PRRC2C: variants seen among roughly 807,000 people sequenced by gnomAD.
PRRC2C encodes proline rich coiled-coil 2C.
In PRRC2C, 72 loss-of-function variants were observed where a neutral mutation model predicts 317.2. The ratio of observed to expected loss-of-function variants is 0.23; its 90% CI spans 0.19 to 0.28. The LOEUF is 0.28. Among genes scored for constraint, PRRC2C ranks in the 10% least tolerant of loss-of-function variants. The probability of loss-of-function intolerance (pLI) is 1.00; values close to 1 mark genes in which losing one functional copy is unlikely to be tolerated. For synonymous variants in PRRC2C, 1,296 were observed against 1,205.9 expected, an observed-to-expected ratio of 1.07 and a Z score of -1.55; for missense variants, 3,074 against 3,459.7, an observed-to-expected ratio of 0.89 and a Z score of 2.80.
At chr1:171,513,737 A>T (rs910121917) in intron 3 of PRRC2C, among the ~76,000 whole-genome samples, 3 of 151,744 alleles carry the variant, frequency 2.0e-5, no homozygotes, top group East Asian at 1.9e-4. Flanking sequence ...GTGGTAATTT[A>T]AAAAAAATAA....
chr1:171,492,254 ATAACTAT>A (rs1667288608), intron 1 of PRRC2C, among the ~76,000 whole-genome samples: 1 of 152,234 alleles, frequency 6.6e-6, no homozygotes, highest in Admixed American at 6.5e-5. Flanking sequence ...TCTTGAAGAA[ATAACTAT>A]TAAAGAGGGA....
At chr1:171,591,305 C>T (rs1651358223) in intron 34 of PRRC2C, 1 of 872,394 alleles carries the variant, frequency 1.1e-6, no homozygotes, top group Non-Finnish European at 1.5e-6. Context: ...GATTTGCAAG[C>T]AGGTTCCCTA....
At chr1:171,500,311 A>C (rs1183547551) in intron 1 of PRRC2C, among the ~76,000 whole-genome samples, 1 of 152,228 alleles carries the variant, frequency 6.6e-6, no homozygotes, top group South Asian at 2.1e-4. Flanking sequence ...TTGAGTACCA[A>C]AGGAATTTGA....
intron 6 of PRRC2C, among the ~76,000 whole-genome samples, chr1:171,521,540 C>A (rs1673556589): frequency 6.6e-6 from 1 of 152,170 alleles, no homozygotes; most frequent in African/African-American, 2.4e-5. Flanking sequence ...AGCTCTCTGT[C>A]CCCCTTTTCC....
Position 171,584,510 on chromosome 1 carries a change from C to A in PRRC2C, c.7733C>A (p.Pro2578Gln). The change falls in exon 30 of 35, where the codon CCA becomes CAA. Residue 2578 changes from proline (P) to glutamine (Q), a missense_variant. By Grantham distance (76) the Pro-to-Gln change is moderately conservative. Transcript: ENST00000647382. ...QTNFYNTAQS[P>Q]SALQQVTVPL... Reference sequence around the variant, plus strand: ...AATTTTTATAACACTGCCCAGTCACCAAGTGCTCTCCAGCAGGTAAACTAT... The same window carrying A: ...AATTTTTATAACACTGCCCAGTCACAAAGTGCTCTCCAGCAGGTAAACTAT... The A allele has an allele frequency of 6.3e-7, 1 of 1,586,742 alleles. No homozygotes were observed. Among genetic ancestry groups the A allele is most frequent in the Non-Finnish European group, 8.6e-7 (1 of 1,166,000 alleles).
intron 2 of PRRC2C, 65 bp from the exon 3 acceptor site, chr1:171,512,930 T>C: frequency 7.2e-7 from 1 of 1,389,492 alleles, no homozygotes; most frequent in Middle Eastern, 1.9e-4. Context: ...TTTTCTATAT[T>C]GTTTGAGGAA....
chr1:171,587,603 T>C (rs747945848), intron 31 of PRRC2C, 45 bp from the exon 32 acceptor site: 1 of 1,346,264 alleles, frequency 7.4e-7, no homozygotes, highest in Non-Finnish European at 1.1e-6. Flanking sequence ...GCACTTAGCT[T>C]GTGGAATTAA....
intron 10 of PRRC2C, among the ~76,000 whole-genome samples, chr1:171,526,470 TG>T (rs1674586892): frequency 6.6e-6 from 1 of 152,148 alleles, no homozygotes; most frequent in African/African-American, 2.4e-5. Context: ...CCCAACTAGC[TG>T]GGACTACAGT....
At chr1:171,570,310 A>G (rs1684552331) in intron 23 of PRRC2C, among the ~76,000 whole-genome samples, 1 of 152,108 alleles carries the variant, frequency 6.6e-6, no homozygotes, top group South Asian at 2.1e-4. Context: ...TTTCTTAATT[A>G]TACTTGAAAA....
chr1:171,541,608 A>G lies in PRRC2C; in HGVS notation c.4142A>G (p.Gln1381Arg). ...AYRDNQWNPR[Q>R]SEVPKPEDGE... Reference sequence around the variant, plus strand: ...CGGGACAATCAGTGGAACCCAAGGCAGTCAGAAGTTCCTAAACCAGAAGAT... The same window carrying G: ...CGGGACAATCAGTGGAACCCAAGGCGGTCAGAAGTTCCTAAACCAGAAGAT... Residue 1381 changes from glutamine (Q) to arginine (R), a missense_variant, in exon 16 of 35, where the codon CAG becomes CGG. By Grantham distance (43) the Gln-to-Arg change is conservative. Around this residue, in one of 11 missense-constraint regions of PRRC2C, gnomAD observed 1,320 missense variants for 1,395.7 expected, o/e 0.95. Coordinates refer to ENST00000647382, the MANE Select transcript of PRRC2C (RefSeq NM_001387844.1). This position sits in a 1 kb window ranked among gnomAD's most constrained non-coding sequence, Gnocchi z 4.1. 6.2e-7 allele frequency: 1 copy of G among 1,613,820 alleles called. No homozygotes were observed. The highest frequency in any genetic ancestry group is 2.2e-5 in the East Asian group (1 of 44,864).
At position 171,532,924 on chromosome 1, in the gene PRRC2C, G is replaced by A; in HGVS notation, c.1836G>A (p.Met612Ile). The change falls in exon 12 of 35, where the codon ATG (methionine) becomes ATA (isoleucine). Residue 612 changes from methionine to isoleucine, a missense_variant. Coordinates refer to ENST00000647382, the MANE Select transcript of PRRC2C (RefSeq NM_001387844.1). ...CCAGAGAACCTAATTTAGAGCCCAT[G>A]GTAGAAAAACAAGAAAGTGAAAACA... The part of the protein sequence containing the change: ...IEPREPNLEP[M>I]VEKQESENSC... The A allele has an allele frequency of 6.4e-7, 1 of 1,565,696 alleles. No individual in the cohort carries two copies. The highest frequency in any genetic ancestry group is 8.6e-7 in the Non-Finnish European group (1 of 1,166,922).
chr1:171,585,978 T>C (rs996988181), intron 30 of PRRC2C, among the ~76,000 whole-genome samples: 1 of 151,952 alleles, frequency 6.6e-6, no homozygotes, highest in African/African-American at 2.4e-5. Context: ...GAAGGTAATT[T>C]TAAGCAACAT....
rs1033298049 is a variant in PRRC2C at position 171,489,983 on chromosome 1, T to C, written c.-58+4248T>C. On this transcript the variant is annotated intron_variant, in intron 1 of 34. Transcript: ENST00000647382. ...TGCCCAGGCTGGAGTGCAGTGGCGC[T>C]ATCTTGGCTCACTGCAACCTCTCCC... Among the ~76,000 whole-genome samples, 3 of 152,094 alleles carry C rather than the reference T, an allele frequency of 2.0e-5. No homozygotes were observed. In the East Asian group the frequency reaches 5.8e-4, roughly 29 times the overall value.
chr1:171,562,125 T>C (rs1179658469), intron 20 of PRRC2C, among the ~76,000 whole-genome samples: 1 of 152,204 alleles, frequency 6.6e-6, no homozygotes, highest in Non-Finnish European at 1.5e-5. Context: ...ACTTAGATAA[T>C]GCTTGAGTTA....
chr1:171,561,181 A>C, intron 20 of PRRC2C, 78 bp downstream of exon 20: 3 of 1,349,920 alleles, frequency 2.2e-6, no homozygotes, highest in South Asian at 1.2e-5. Context: ...GGTGGCTTAC[A>C]CCTGTAATCC....
chr1:171,569,144 A>G (rs1268624464), intron 23 of PRRC2C, among the ~76,000 whole-genome samples: 1 of 152,132 alleles, frequency 6.6e-6, no homozygotes. Flanking sequence ...TATGATGGAA[A>G]TTTGGTTAGT....
Position 171,591,268 on chromosome 1 carries a change from G to C in PRRC2C, c.8437-319G>C, listed in dbSNP as rs995105077. On this transcript the variant is annotated intron_variant, in intron 34 of 34. Transcript: ENST00000647382. ...GTAGACCACATATTGATAACTAGAA[G>C]TTTTAAGTGTTACATGTATGTTTTT... 67 of 971,624 alleles carry C rather than the reference G, an allele frequency of 6.9e-5. No individual in the cohort carries two copies. In the African/African-American group the frequency reaches 1.1e-3, roughly 15 times the overall value. The allele number at this position is 971,624 out of a possible 1,614,324, so 60.2% of individuals were successfully genotyped here. A position where few individuals can be genotyped will look rare whatever the true frequency, so the allele number is the denominator to read the frequency against.
At chr1:171,492,378 A>G (rs1471857027) in intron 1 of PRRC2C, among the ~76,000 whole-genome samples, 2 of 152,218 alleles carry the variant, frequency 1.3e-5, no homozygotes, top group Non-Finnish European at 2.9e-5. Flanking sequence ...TTGAACATAG[A>G]AAGAATGAAA....
At chr1:171,561,433 A>G (rs1682690856) in intron 20 of PRRC2C, among the ~76,000 whole-genome samples, 2 of 152,302 alleles carry the variant, frequency 1.3e-5, no homozygotes, top group Admixed American at 6.5e-5. Context: ...AGCCTAGGTG[A>G]TAGAGCAAGA....
Sources: allele counts gnomAD v4.1 joint callset (sites outside exome capture counted in the v4.1 genomes callset), GRCh38; gene constraint gnomAD v4.1.1; regional missense constraint gnomAD v4.1.1; non-coding constraint Gnocchi (gnomAD v3.1); transcripts MANE v1.5; gene names NCBI Gene and HGNC (gene_info 2026-07-23, HGNC 2026-07-21).